Variants in JMJD1C observed in about 807,000 individuals in gnomAD.
JMJD1C encodes the protein jumonji domain containing 1C.
Under a neutral mutation model 245.3 loss-of-function variants are expected in JMJD1C, and 31 were observed. The observed-to-expected ratio is 0.13, with a 90% CI of 0.09 to 0.17. The LOEUF (loss-of-function observed/expected upper bound fraction) is 0.17, where lower values mean the gene tolerates loss of function less well. JMJD1C is among the 10% of genes least tolerant of loss of function. The pLI is 1.00. For missense variants in JMJD1C, 2,691 were observed against 3,000.2 expected, an observed-to-expected ratio of 0.90 and a Z score of 2.41; for synonymous variants, 1,057 against 1,017.4, an observed-to-expected ratio of 1.04 and a Z score of -0.74.
intron 2 of JMJD1C, among the ~76,000 whole-genome samples, chr10:63,339,002 T>C (rs145090611): frequency 1.1e-4 from 17 of 152,318 alleles, no homozygotes; most frequent in African/African-American, 3.8e-4. Flanking sequence ...TGTTTCACTT[T>C]ATGAAGATGT....
At chr10:63,249,375 T>C (rs1337990022) in intron 3 of JMJD1C, among the ~76,000 whole-genome samples, 2 of 151,978 alleles carry the variant, frequency 1.3e-5, no homozygotes, top group African/African-American at 4.8e-5. Flanking sequence ...AGTAGATTGG[T>C]GGTTACCAGA....
At chr10:63,315,006 T>G (rs981172230) in intron 2 of JMJD1C, among the ~76,000 whole-genome samples, 1 of 144,930 alleles carries the variant, frequency 6.9e-6, no homozygotes, top group Admixed American at 7.3e-5. Context: ...CAGGCTGGAG[T>G]GCAGCAGCAC....
chr10:63,185,227 C>T (rs956992152), intron 20 of JMJD1C, among the ~76,000 whole-genome samples: 13 of 152,352 alleles, frequency 8.5e-5, no homozygotes, highest in Non-Finnish European at 1.5e-4. Context: ...ACTTCCTCCA[C>T]TCCAGTGATC....
intron 1 of JMJD1C, among the ~76,000 whole-genome samples, chr10:63,471,159 G>A (rs1589808156): frequency 6.6e-6 from 1 of 152,142 alleles, no homozygotes; most frequent in African/African-American, 2.4e-5. Flanking sequence ...CAAAAGGGTC[G>A]TGTTCTTATT....
intron 3 of JMJD1C, chr10:63,222,312 A>G (rs1354227153): frequency 2.3e-6 from 3 of 1,317,978 alleles, no homozygotes; most frequent in Non-Finnish European, 3.3e-6. Context: ...ACAGGTGGAA[A>G]TCTACAAGAC....
In JMJD1C at chr10:63,214,218, G is replaced by C. The variant is rs41274068; in HGVS notation, c.1949C>G (p.Thr650Ser). 1.8e-5 allele frequency: 29 copies of C among 1,613,844 alleles called. No individual in the cohort carries two copies. The highest frequency in any genetic ancestry group is 2.4e-5 in the Non-Finnish European group (28 of 1,179,972). ...AGACTTTACAGAATCAGGAGAATGAGTTATTTTGGGTTTAACAACTTCAGG... is the reference window on the plus strand; with the variant it reads ...AGACTTTACAGAATCAGGAGAATGACTTATTTTGGGTTTAACAACTTCAGG... ...PSPEVVKPKI[T>S]HSPDSVKSKA... Residue 650 changes from threonine (T) to serine (S), a missense_variant, in exon 8 of 26, where the codon ACT becomes AGT. Physicochemically the swap from Thr to Ser is moderately conservative, Grantham distance 58. Transcript: ENST00000399262.
At chr10:63,283,941 A>G (rs1857684229) in intron 2 of JMJD1C, among the ~76,000 whole-genome samples, 1 of 152,182 alleles carries the variant, frequency 6.6e-6, no homozygotes, top group Admixed American at 6.5e-5. Context: ...TTGTTCATGA[A>G]CTAGGTTTGT....
chr10:63,412,851 T>G (rs1191078453), intron 1 of JMJD1C, among the ~76,000 whole-genome samples: 2 of 152,208 alleles, frequency 1.3e-5, no homozygotes, highest in Non-Finnish European at 2.9e-5. Flanking sequence ...TTTTTTCAAA[T>G]TGCTGCAAAT....
chr10:63,473,845 C>A (rs766213286), intron 1 of JMJD1C, among the ~76,000 whole-genome samples: 27 of 151,750 alleles, frequency 1.8e-4, no homozygotes, highest in Admixed American at 6.6e-4. Flanking sequence ...GAGTTTGAGA[C>A]CAGCCTGGCC....
chr10:63,384,376 C>G (rs765963446), intron 1 of JMJD1C, among the ~76,000 whole-genome samples: 4 of 152,158 alleles, frequency 2.6e-5, no homozygotes, highest in Non-Finnish European at 5.9e-5. Context: ...CTATCTCTGG[C>G]AGCTATAGCT....
chr10:63,332,891 T>C (rs1438151642), intron 2 of JMJD1C, among the ~76,000 whole-genome samples: 2 of 152,188 alleles, frequency 1.3e-5, no homozygotes, highest in African/African-American at 4.8e-5. Flanking sequence ...AAGGCTTAGA[T>C]TCATTGTTTC....
intron 1 of JMJD1C, among the ~76,000 whole-genome samples, chr10:63,419,407 A>C (rs1949989717): frequency 6.6e-6 from 1 of 151,992 alleles, no homozygotes; most frequent in Non-Finnish European, 1.5e-5. Flanking sequence ...ATATATATAG[A>C]TAAGATATAC....
intron 1 of JMJD1C, among the ~76,000 whole-genome samples, chr10:63,417,016 CA>C (rs1381697947): frequency 3.3e-5 from 5 of 152,176 alleles, no homozygotes; most frequent in African/African-American, 1.2e-4. Flanking sequence ...AACTAATTCA[CA>C]TTACTAGGTG....
At chr10:63,514,563 T>G (rs745587619) in intron 1 of JMJD1C, among the ~76,000 whole-genome samples, 19 of 151,780 alleles carry the variant, frequency 1.3e-4, no homozygotes, top group Non-Finnish European at 1.6e-4. Context: ...AACTTATAAG[T>G]GGGAGCTAAA....
chr10:63,324,379 C>T (rs1941280357), intron 2 of JMJD1C, among the ~76,000 whole-genome samples: 1 of 152,096 alleles, frequency 6.6e-6, no homozygotes, highest in Admixed American at 6.6e-5. Context: ...ATCAAGAGAT[C>T]AAACACAAAT....
At chr10:63,301,146 G>T (rs1287910537) in intron 2 of JMJD1C, among the ~76,000 whole-genome samples, 1 of 152,164 alleles carries the variant, frequency 6.6e-6, no homozygotes, top group Non-Finnish European at 1.5e-5. Flanking sequence ...TTCCCCAGTA[G>T]CTGGGACTAT....
At position 63,399,490 on chromosome 10, in the gene JMJD1C, TCTACACTGTTTTTCAAC is replaced by T. The variant is rs1487235117; in HGVS notation, c.169-19025_169-19009del. Among the ~76,000 whole-genome samples, 3 of 152,292 alleles carry T rather than the reference TCTACACTGTTTTTCAAC, an allele frequency of 2.0e-5. No individual in the cohort carries two copies. The East Asian group carries it at 5.8e-4, about 29-fold the overall frequency. On this transcript the variant is annotated intron_variant, in intron 1 of 25. Coordinates refer to ENST00000399262, the MANE Select transcript of JMJD1C (RefSeq NM_032776.3). ...GTATACTGACACTTTCAAATAAAAT[TCTACACTGTTTTTCAAC>T]CTCCTTGATCTTTTATTTCTCTTAT...
chr10:63,248,722 T>A (rs909659648), intron 3 of JMJD1C, among the ~76,000 whole-genome samples: 1 of 152,100 alleles, frequency 6.6e-6, no homozygotes, highest in African/African-American at 2.4e-5. Flanking sequence ...GTTCCACTAC[T>A]GGATATACAT....
chr10:63,301,931 T>C (rs966242899), intron 2 of JMJD1C: 6 of 287,014 alleles, frequency 2.1e-5, no homozygotes, highest in African/African-American at 1.4e-4. Flanking sequence ...ACCAATCCAT[T>C]TCCTATGAGT....
Sources: gnomAD v4.1 joint callset for allele counts (sites outside exome capture counted in the v4.1 genomes callset) on GRCh38, gnomAD v4.1.1 for gene constraint, MANE v1.5 for transcripts, NCBI Gene and HGNC (gene_info 2026-07-23, HGNC 2026-07-21) for gene names.